The following TTLL5 variants were observed in gnomAD, a reference collection of about 807,000 sequenced individuals.
The protein encoded by TTLL5 is tubulin tyrosine ligase like 5, also known as tubulin polyglutamylase TTLL5.
Under a neutral mutation model 168.4 loss-of-function variants are expected in TTLL5, and 132 were observed. That is an observed-to-expected ratio of 0.78 (90% CI 0.68 to 0.91). TTLL5 has a LOEUF of 0.91. Among genes scored for constraint, TTLL5 ranks in the 40% least tolerant of loss-of-function variants. The probability of loss-of-function intolerance (pLI) is 0.00; values close to 1 mark genes in which losing one functional copy is unlikely to be tolerated. For missense variants in TTLL5, 1,545 were observed against 1,581.5 expected (o/e 0.98, Z 0.39); for synonymous variants, 546 against 558.6 (o/e 0.98, Z 0.32).
chr14:75,739,637 G>T (rs1358576274), intron 15 of TTLL5, among the ~76,000 whole-genome samples: 1 of 152,158 alleles, frequency 6.6e-6, no homozygotes, highest in Non-Finnish European at 1.5e-5. Flanking sequence ...CAGTCCGATA[G>T]ACCTGGATTC....
chr14:75,707,173 T>G, intron 8 of TTLL5, 86 bp downstream of exon 8: 5 of 1,035,986 alleles, frequency 4.8e-6, no homozygotes, highest in Non-Finnish European at 7.5e-6. Flanking sequence ...TAGTAAGTCT[T>G]TATTATACTG....
At chr14:75,834,663 G>T (rs923629211) in intron 28 of TTLL5, among the ~76,000 whole-genome samples, 1 of 152,150 alleles carries the variant, frequency 6.6e-6, no homozygotes, top group Non-Finnish European at 1.5e-5. Context: ...CCTACTACAA[G>T]AAGTCACACA....
At chr14:75,933,446 A>T (rs1330162333) in intron 31 of TTLL5, among the ~76,000 whole-genome samples, 1 of 152,188 alleles carries the variant, frequency 6.6e-6, no homozygotes, top group African/African-American at 2.4e-5. Context: ...TGGCCGACAG[A>T]TTGAGACTCT....
At chr14:75,896,833 A>G (rs1232457070) in intron 30 of TTLL5, among the ~76,000 whole-genome samples, 1 of 152,176 alleles carries the variant, frequency 6.6e-6, no homozygotes, top group Admixed American at 6.5e-5. Flanking sequence ...AGCAAAAGGG[A>G]TGGTGGGGCT....
At chr14:75,690,359 A>G (rs1211624853) in intron 6 of TTLL5, 37 bp downstream of exon 6, 7 of 1,562,018 alleles carry the variant, frequency 4.5e-6, no homozygotes, top group Non-Finnish European at 5.2e-6. Flanking sequence ...GTCCCCAGCA[A>G]CTGAACCTGG....
intron 12 of TTLL5, among the ~76,000 whole-genome samples, chr14:75,724,281 A>G (rs1888043533): frequency 6.6e-6 from 1 of 152,104 alleles, no homozygotes; most frequent in South Asian, 2.1e-4. Context: ...GGTATCTTCA[A>G]TATCCCATCC....
At chr14:75,900,991 G>T (rs1355338209) in intron 30 of TTLL5, among the ~76,000 whole-genome samples, 2 of 152,196 alleles carry the variant, frequency 1.3e-5, no homozygotes, top group Non-Finnish European at 2.9e-5. Context: ...TGGAAAAATA[G>T]TGTCGGGAGA....
At chr14:75,829,315 C>G (rs1412636938) in intron 28 of TTLL5, among the ~76,000 whole-genome samples, 1 of 152,128 alleles carries the variant, frequency 6.6e-6, no homozygotes, top group African/African-American at 2.4e-5. Flanking sequence ...GTAATCCATA[C>G]TCTTAGTAAT....
chr14:75,872,932 A>G (rs1183048535), intron 29 of TTLL5, among the ~76,000 whole-genome samples: 3 of 151,846 alleles, frequency 2.0e-5, no homozygotes, highest in African/African-American at 4.8e-5. Context: ...AAAAAAGTCA[A>G]AAGTTAGTTG....
Position 75,926,085 on chromosome 14 carries a change from G to GGGGAGAGGGAGA in TTLL5, c.3823+23880_3823+23891dup, listed in dbSNP as rs377178355. On this transcript the variant is annotated intron_variant, in intron 31 of 31. Coordinates refer to ENST00000298832, the MANE Select transcript of TTLL5 (RefSeq NM_015072.5). ...CCGTGGGCCGTGGGCCGTGGGCCGTGGGGAGAGGGAGAGGGAGAGGGAGAG... is the reference window on the plus strand; with the variant it reads ...CCGTGGGCCGTGGGCCGTGGGCCGTGGGGAGAGGGAGAGGGAGAGGGAGAGGGAGAGGGAGAG... 1.2e-3 allele frequency among the ~76,000 whole-genome samples: 179 copies of GGGGAGAGGGAGA among 148,806 alleles called. 4 individuals carry two copies. Among genetic ancestry groups the GGGGAGAGGGAGA allele is most frequent in the African/African-American group, 3.9e-3 (151 of 38,776 alleles).
At chr14:75,735,120 T>C in intron 14 of TTLL5, 75 bp from the exon 15 acceptor site, 2 of 1,384,638 alleles carry the variant, frequency 1.4e-6, no homozygotes, top group Non-Finnish European at 2.1e-6. Context: ...TTTGTGTATC[T>C]AAAGAAAAGG....
intron 28 of TTLL5, among the ~76,000 whole-genome samples, chr14:75,824,446 C>A (rs753741687): frequency 7.1e-6 from 1 of 140,788 alleles, no homozygotes; most frequent in Non-Finnish European, 1.5e-5. Flanking sequence ...CCCGGATGAA[C>A]CTTGAGGGTC....
intron 31 of TTLL5, among the ~76,000 whole-genome samples, chr14:75,924,646 G>A (rs2033948423): frequency 6.6e-6 from 1 of 151,748 alleles, no homozygotes; most frequent in African/African-American, 2.4e-5. Context: ...AATTTTTTTT[G>A]GTACAGAACA....
At chr14:75,845,377 G>A (rs1896490430) in intron 28 of TTLL5, among the ~76,000 whole-genome samples, 1 of 152,166 alleles carries the variant, frequency 6.6e-6, no homozygotes, top group Non-Finnish European at 1.5e-5. Flanking sequence ...AATGGCCCTA[G>A]GGGTGACTTT....
At chr14:75,746,580 A>T in intron 17 of TTLL5, among the ~76,000 whole-genome samples, 1 of 135,358 alleles carries the variant, frequency 7.4e-6, no homozygotes. Context: ...TTTTGGAGAC[A>T]GTGTCTCACT....
intron 28 of TTLL5, among the ~76,000 whole-genome samples, chr14:75,830,043 G>C (rs1360636645): frequency 6.6e-6 from 1 of 152,142 alleles, no homozygotes; most frequent in Non-Finnish European, 1.5e-5. Flanking sequence ...TGAGATATTG[G>C]CTGTATTGCT....
In TTLL5 at chr14:75,663,047, T is replaced by C. The variant is rs762737238; in HGVS notation, c.-95-8T>C. 7.5e-6 allele frequency: 7 copies of C among 936,848 alleles called. 1 individual carries two copies. In the South Asian group the frequency reaches 9.7e-5, roughly 13 times the overall value. The allele number at this position is 936,848 out of a possible 1,614,324, so 58.0% of individuals were successfully genotyped here. A position where few individuals can be genotyped will look rare whatever the true frequency, so the allele number is the denominator to read the frequency against. Reference sequence around the variant, plus strand: ...GTCAATTGATCCAATCAAGTTGATTTCTTGCAGGAATCTGTGCCATCCAAA... The same window carrying C: ...GTCAATTGATCCAATCAAGTTGATTCCTTGCAGGAATCTGTGCCATCCAAA... On this transcript the variant is annotated splice_region_variant and splice_polypyrimidine_tract_variant and intron_variant, in intron 1 of 31. Coordinates refer to ENST00000298832, the MANE Select transcript of TTLL5 (RefSeq NM_015072.5).
intron 29 of TTLL5, among the ~76,000 whole-genome samples, chr14:75,874,576 T>C (rs2031309062): frequency 6.6e-6 from 1 of 152,212 alleles, no homozygotes; most frequent in South Asian, 2.1e-4. Context: ...TTTAATCCTT[T>C]CAGACATACT....
chr14:75,863,708 A>C lies in TTLL5; in HGVS notation c.3368A>C (p.Glu1123Ala). 1 of 1,613,132 alleles carries C rather than the reference A, an allele frequency of 6.2e-7. No homozygotes were observed. The highest frequency in any genetic ancestry group is 1.3e-5 in the African/African-American group (1 of 74,908). ...GGATTTGCCTGGGAAGGAGAAGTAG[A>C]AAACAACGTGTACAGCCAGGCTACA... ...TGGFAWEGEV[E>A]NNVYSQATGV... The change falls in exon 29 of 32, where the codon GAA becomes GCA. Residue 1123 changes from glutamate (E) to alanine (A), a missense_variant. Coordinates refer to ENST00000298832, the MANE Select transcript of TTLL5 (RefSeq NM_015072.5).
Sources: gnomAD v4.1 joint callset for allele counts (sites outside exome capture counted in the v4.1 genomes callset) on GRCh38, gnomAD v4.1.1 for gene constraint, MANE v1.5 for transcripts, NCBI Gene and HGNC (gene_info 2026-07-23, HGNC 2026-07-21) for gene names.